ADAM23: variants seen among roughly 807,000 people sequenced by gnomAD.
The protein encoded by ADAM23 is ADAM metallopeptidase domain 23.
In ADAM23, 33 loss-of-function variants were observed where a neutral mutation model predicts 120.1. The ratio of observed to expected loss-of-function variants is 0.27; its 90% confidence interval spans 0.21 to 0.37. The LOEUF is 0.37. Among genes scored for constraint, ADAM23 ranks in the 10% least tolerant of loss-of-function variants. The pLI is 1.00. For missense variants in ADAM23, 862 were observed against 1,058.2 expected, an observed-to-expected ratio of 0.81 and a Z score of 2.57; for synonymous variants, 367 against 375.2, an observed-to-expected ratio of 0.98 and a Z score of 0.25.
At chr2:206,614,468 A>G (rs1698896109) in intron 25 of ADAM23, among the ~76,000 whole-genome samples, 1 of 152,010 alleles carries the variant, frequency 6.6e-6, no homozygotes, top group Non-Finnish European at 1.5e-5. Context: ...CAGACTGGCC[A>G]ACATGGTGAA....
intron 2 of ADAM23, among the ~76,000 whole-genome samples, chr2:206,455,488 T>G (rs1472658261): frequency 6.6e-6 from 1 of 152,238 alleles, no homozygotes; most frequent in Non-Finnish European, 1.5e-5. Context: ...TTAGGCAAGC[T>G]TCTGCAGCAG....
At position 206,550,167 on chromosome 2, in the gene ADAM23, A is replaced by G; in HGVS notation, c.933+7A>G. ...TGTTAATGATCACAAAACGGTAAGAATATAGAGTCAGTGGGTTTTAGAACA... is the reference window on the plus strand; with the variant it reads ...TGTTAATGATCACAAAACGGTAAGAGTATAGAGTCAGTGGGTTTTAGAACA... On this transcript the variant is annotated splice_region_variant and intron_variant, in intron 9 of 25. Transcript: ENST00000264377. 6.5e-7 allele frequency: 1 copy of G among 1,540,966 alleles called. No individual in the cohort carries two copies. The highest frequency in any genetic ancestry group is 8.9e-7 in the Non-Finnish European group (1 of 1,119,884).
intron 2 of ADAM23, 34 bp from the exon 3 acceptor site, chr2:206,481,198 A>G: frequency 6.5e-6 from 10 of 1,537,156 alleles, no homozygotes; most frequent in Non-Finnish European, 8.9e-6. Context: ...ACAGGAAAGT[A>G]AGTTAAGGTT....
At chr2:206,585,533 A>G (rs923456127) in intron 18 of ADAM23, among the ~76,000 whole-genome samples, 8 of 152,242 alleles carry the variant, frequency 5.3e-5, no homozygotes, top group African/African-American at 1.9e-4. Flanking sequence ...TAGGAATGCT[A>G]AATTAGTTCT....
intron 3 of ADAM23, among the ~76,000 whole-genome samples, chr2:206,484,924 A>T (rs1473486186): frequency 2.6e-5 from 4 of 152,146 alleles, no homozygotes; most frequent in Admixed American, 2.0e-4. Flanking sequence ...TACCCTGCAC[A>T]TGCTCTCTTG....
chr2:206,463,957 T>C lies in ADAM23; in HGVS notation c.433-17275T>C, dbSNP rs538923364. On this transcript the variant is annotated intron_variant, in intron 2 of 25. Transcript: ENST00000264377. ...TCAAATGACATTTCAAAAGACAATA[T>C]GAAGCTGCCACTTTGGGAGAAAGAA... Among the ~76,000 whole-genome samples, 16 of 152,370 alleles carry C rather than the reference T, an allele frequency of 1.1e-4. 1 individual carries two copies. The South Asian group carries it at 3.3e-3, about 32-fold the overall frequency.
rs150918450 is a variant in ADAM23 at position 206,595,336 on chromosome 2, C to T, written c.2247+431C>T. ...TTTAAACACTCCTGTCTCTAGTTTG[C>T]TCATTGTTATTTATTTCCTCTAGAT... is the stretch of plus-strand genomic sequence containing the variant. On this transcript the variant is annotated intron_variant, in intron 23 of 25. Transcript: ENST00000264377. 5.4e-4 allele frequency among the ~76,000 whole-genome samples: 82 copies of T among 152,280 alleles called. 1 individual carries two copies. In the East Asian group the frequency reaches 0.014, roughly 27 times the overall value.
chr2:206,601,274 A>AAAG (rs1698635819), intron 24 of ADAM23, among the ~76,000 whole-genome samples: 1 of 152,226 alleles, frequency 6.6e-6, no homozygotes, highest in Non-Finnish European at 1.5e-5. Flanking sequence ...CTTTGGTCAG[A>AAAG]CCTTTTCATC....
chr2:206,522,442 T>C (rs1156431124), intron 3 of ADAM23, among the ~76,000 whole-genome samples: 1 of 152,226 alleles, frequency 6.6e-6, no homozygotes, highest in African/African-American at 2.4e-5. Context: ...ATGTGCAGTT[T>C]TTCTGTATAG....
chr2:206,566,571 C>T (rs72956618), intron 14 of ADAM23, among the ~76,000 whole-genome samples: 7,757 of 152,098 alleles, frequency 0.051, 292 homozygotes, highest in Middle Eastern at 0.12. Context: ...TTTTCTATTC[C>T]TGATTAATAA....
At chr2:206,598,259 A>G (rs748330777) in intron 24 of ADAM23, among the ~76,000 whole-genome samples, 6 of 152,110 alleles carry the variant, frequency 3.9e-5, no homozygotes, top group Non-Finnish European at 7.3e-5. Flanking sequence ...ATGTATAAAG[A>G]TGCCTCAACG....
intron 18 of ADAM23, among the ~76,000 whole-genome samples, chr2:206,580,190 G>A (rs146777104): frequency 6.6e-6 from 1 of 152,174 alleles, no homozygotes; most frequent in Admixed American, 6.5e-5. Context: ...CCTCTTTACT[G>A]ACTTGGATGC....
intron 10 of ADAM23, among the ~76,000 whole-genome samples, chr2:206,558,012 C>A (rs1442012568): frequency 6.6e-6 from 1 of 152,112 alleles, no homozygotes; most frequent in Non-Finnish European, 1.5e-5. Flanking sequence ...GAAATAAGTG[C>A]AGTCCCCAAA....
At chr2:206,478,911 A>G (rs1281555657) in intron 2 of ADAM23, among the ~76,000 whole-genome samples, 1 of 151,958 alleles carries the variant, frequency 6.6e-6, no homozygotes, top group African/African-American at 2.4e-5. Flanking sequence ...TCCTTTCTGC[A>G]CCTCTCTGTG....
intron 3 of ADAM23, among the ~76,000 whole-genome samples, chr2:206,507,981 T>C (rs1040873043): frequency 3.3e-5 from 5 of 152,166 alleles, no homozygotes; most frequent in African/African-American, 4.8e-5. Context: ...AAGGGTTTAA[T>C]GAAATGAAGA....
chr2:206,513,326 A>G (rs925483860), intron 3 of ADAM23, among the ~76,000 whole-genome samples: 11 of 152,202 alleles, frequency 7.2e-5, no homozygotes, highest in Non-Finnish European at 1.6e-4. Context: ...CAGTGAACAC[A>G]GGAATGATAA....
chr2:206,608,891 A>G (rs561912972), intron 24 of ADAM23, among the ~76,000 whole-genome samples: 3 of 152,356 alleles, frequency 2.0e-5, no homozygotes, highest in East Asian at 3.9e-4. Context: ...GAAACTAGCA[A>G]CATTGGCTTT....
chr2:206,603,838 G>A (rs1010465837), intron 24 of ADAM23, among the ~76,000 whole-genome samples: 2 of 151,812 alleles, frequency 1.3e-5, no homozygotes, highest in African/African-American at 2.4e-5. Context: ...CACTCATTTA[G>A]TATCACAATT....
intron 24 of ADAM23, among the ~76,000 whole-genome samples, chr2:206,605,216 C>T (rs974150811): frequency 6.6e-6 from 1 of 152,182 alleles, no homozygotes; most frequent in Admixed American, 6.5e-5. Context: ...AAACAAAAAA[C>T]AAAATGTCTA....
Sources: gnomAD v4.1 joint callset for allele counts (sites outside exome capture counted in the v4.1 genomes callset) on GRCh38, gnomAD v4.1.1 for gene constraint, MANE v1.5 for transcripts, NCBI Gene and HGNC (gene_info 2026-07-23, HGNC 2026-07-21) for gene names.